The following MCTP1 variants were observed in gnomAD, a reference collection of about 807,000 sequenced individuals.
MCTP1 encodes the protein multiple C2 and transmembrane domain containing 1, also known as multiple C2 and transmembrane domain-containing protein 1.
MCTP1 carries 69 observed loss-of-function variants against 120.6 expected under a neutral mutation model. The ratio of observed to expected loss-of-function variants is 0.57; its 90% CI spans 0.47 to 0.70. MCTP1 has a LOEUF of 0.70. MCTP1 is among the 30% of genes least tolerant of loss of function. The probability of loss-of-function intolerance (pLI) is 0.00; values close to 1 mark genes in which losing one functional copy is unlikely to be tolerated. For missense variants in MCTP1, 1,203 were observed against 1,248.8 expected (o/e 0.96, Z 0.55); for synonymous variants, 529 against 493.1 (o/e 1.07, Z -0.96).
chr5:94,845,158 A>G (rs1295778096), intron 17 of MCTP1, among the ~76,000 whole-genome samples: 2 of 152,212 alleles, frequency 1.3e-5, no homozygotes, highest in African/African-American at 4.8e-5. Flanking sequence ...CCATATTCAT[A>G]CTGCTATGAA....
intron 1 of MCTP1, among the ~76,000 whole-genome samples, chr5:95,186,427 T>C (rs1443193831): frequency 6.6e-6 from 1 of 151,988 alleles, no homozygotes; most frequent in Admixed American, 6.6e-5. Context: ...TAGAATCACT[T>C]CAAAGAAAAT....
chr5:94,978,845 T>C (rs1345940554), intron 2 of MCTP1: 2 of 63,410 alleles, frequency 3.2e-5, no homozygotes, highest in African/African-American at 6.4e-5. Context: ...GTAGATCTCA[T>C]GTTAAGTGTT....
At chr5:95,107,024 G>C (rs78811107) in intron 1 of MCTP1, among the ~76,000 whole-genome samples, 1 of 152,084 alleles carries the variant, frequency 6.6e-6, no homozygotes, top group Non-Finnish European at 1.5e-5. Context: ...TTTATTCAAA[G>C]CCTACTGTAC....
At chr5:95,076,044 C>T (rs1322232615) in intron 1 of MCTP1, among the ~76,000 whole-genome samples, 1 of 152,186 alleles carries the variant, frequency 6.6e-6, no homozygotes, top group African/African-American at 2.4e-5. Flanking sequence ...ACGCCTGAAA[C>T]AGTGGATTGT....
At chr5:95,134,188 A>G (rs1044261878) in intron 1 of MCTP1, among the ~76,000 whole-genome samples, 3 of 152,170 alleles carry the variant, frequency 2.0e-5, no homozygotes, top group South Asian at 2.1e-4. Flanking sequence ...TATTTTTCCA[A>G]TGTTAAGTGT....
intron 1 of MCTP1, among the ~76,000 whole-genome samples, chr5:95,205,555 C>G (rs990110214): frequency 2.0e-5 from 3 of 152,022 alleles, no homozygotes; most frequent in South Asian, 4.1e-4. Flanking sequence ...ACAGGCACCC[C>G]ACAGAACAGG....
At chr5:94,780,501 G>GT (rs72545436) in intron 18 of MCTP1, among the ~76,000 whole-genome samples, 152,261 of 152,262 alleles carry the variant, frequency 1, 76,130 homozygotes, top group Non-Finnish European at 1. Flanking sequence ...CTGTGAGACT[G>GT]TCTTAATTTA....
At chr5:94,973,308 C>T (rs1827319074) in intron 2 of MCTP1, among the ~76,000 whole-genome samples, 1 of 152,156 alleles carries the variant, frequency 6.6e-6, no homozygotes, top group African/African-American at 2.4e-5. Flanking sequence ...TCCCGTCTAC[C>T]TCAAACTATT....
intron 17 of MCTP1, among the ~76,000 whole-genome samples, chr5:94,838,850 G>T (rs1790382077): frequency 6.6e-6 from 1 of 152,134 alleles, no homozygotes; most frequent in East Asian, 1.9e-4. Flanking sequence ...ATGATGCTGG[G>T]CAAGGAGGAT....
intron 1 of MCTP1, among the ~76,000 whole-genome samples, chr5:95,073,884 G>A (rs569857663): frequency 3.9e-5 from 6 of 152,194 alleles, no homozygotes; most frequent in South Asian, 2.1e-4. Context: ...AGGCCGAGGC[G>A]GGTGAATCAC....
chr5:94,978,488 T>C (rs1419954206), intron 2 of MCTP1, among the ~76,000 whole-genome samples: 2 of 151,960 alleles, frequency 1.3e-5, no homozygotes, highest in Non-Finnish European at 2.9e-5. Context: ...AAAAAGAAGA[T>C]GTGGTATATA....
intron 1 of MCTP1, among the ~76,000 whole-genome samples, chr5:95,158,661 C>T (rs1254410706): frequency 6.6e-6 from 1 of 152,058 alleles, no homozygotes; most frequent in East Asian, 1.9e-4. Context: ...TGCAATGGCT[C>T]ATGCCTGTAA....
At chr5:94,877,656 C>T (rs1163045413) in intron 12 of MCTP1, 1 of 152,046 alleles carries the variant, frequency 6.6e-6, no homozygotes, top group Non-Finnish European at 1.5e-5. Context: ...ACTCTTAGTC[C>T]TTGCTCTTTG....
intron 19 of MCTP1, among the ~76,000 whole-genome samples, chr5:94,743,092 G>A (rs1279239838): frequency 2.7e-5 from 4 of 147,086 alleles, no homozygotes; most frequent in Admixed American, 2.1e-4. Flanking sequence ...GAGCAATCAA[G>A]TACGAACATC....
At chr5:94,808,792 G>A (rs2153056274) in intron 17 of MCTP1, among the ~76,000 whole-genome samples, 2 of 152,230 alleles carry the variant, frequency 1.3e-5, no homozygotes, top group East Asian at 3.9e-4. Context: ...GAAATTGGTT[G>A]ATTTATTGGC....
intron 19 of MCTP1, among the ~76,000 whole-genome samples, chr5:94,738,779 G>A (rs985586484): frequency 1.3e-5 from 2 of 152,160 alleles, no homozygotes; most frequent in African/African-American, 4.8e-5. Context: ...CCTTGAGGAC[G>A]GCGATTGTTG....
chr5:95,153,019 T>A (rs1280185406), intron 1 of MCTP1, among the ~76,000 whole-genome samples: 1 of 152,198 alleles, frequency 6.6e-6, no homozygotes, highest in Admixed American at 6.5e-5. Context: ...GAAAACATAG[T>A]CAGTCTCCTT....
intron 19 of MCTP1, among the ~76,000 whole-genome samples, chr5:94,749,546 T>C (rs1767733386): frequency 6.7e-6 from 1 of 149,792 alleles, no homozygotes; most frequent in Non-Finnish European, 1.5e-5. Context: ...TCCCAGCTGC[T>C]CAGGAGGCTG....
At position 94,978,802 on chromosome 5, in the gene MCTP1, A is replaced by G. The variant is rs184823447; in HGVS notation, c.839-25441T>C. On this transcript the variant is annotated intron_variant, in intron 2 of 22. Coordinates refer to ENST00000515393, the MANE Select transcript of MCTP1 (RefSeq NM_024717.7). ...TGTACAACATTGCTCCTATATTAAT[A>G]TTGTACTATATGCCTAAAAATGTGT... is the stretch of plus-strand genomic sequence containing the variant. Among the ~76,000 whole-genome samples the G allele has an allele frequency of 5.9e-5, 9 of 152,200 alleles. No homozygotes were observed. The East Asian group carries it at 1.5e-3, about 26-fold the overall frequency.
Sources: gnomAD v4.1 joint callset for allele counts (sites outside exome capture counted in the v4.1 genomes callset) on GRCh38, gnomAD v4.1.1 for gene constraint, MANE v1.5 for transcripts, NCBI Gene and HGNC (gene_info 2026-07-23, HGNC 2026-07-21) for gene names.